NOMO1: variants seen among roughly 807,000 people sequenced by gnomAD.
NOMO1 encodes the protein NODAL modulator 1.
A neutral mutation model predicts 133.8 loss-of-function variants in NOMO1; 40 were observed. The observed-to-expected ratio is 0.30, with a 90% CI of 0.23 to 0.39. The LOEUF (loss-of-function observed/expected upper bound fraction) is 0.39, where lower values mean the gene tolerates loss of function less well. Among genes scored for constraint, NOMO1 ranks in the 10% least tolerant of loss-of-function variants. The pLI is 1.00. For missense variants in NOMO1, 462 were observed against 1,419.9 expected (o/e 0.33, Z 10.84); for synonymous variants, 236 against 570.5 (o/e 0.41, Z 8.36).
Position 14,838,482 on chromosome 16 carries a change from C to G in NOMO1, c.241C>G (p.Pro81Ala). 1 of 1,611,488 alleles carries G rather than the reference C, an allele frequency of 6.2e-7. No individual in the cohort carries two copies. The highest frequency in any genetic ancestry group is 1.1e-5 in the South Asian group (1 of 90,948). ...CAPNNGYFMI[P>A]LYDKGDFILK... Reference sequence around the variant, plus strand: ...CCCTAATAATGGTTACTTTATGATCCCTTTGTATGATAAGGTAAGAGGGGA... The same window carrying G: ...CCCTAATAATGGTTACTTTATGATCGCTTTGTATGATAAGGTAAGAGGGGA... Residue 81 changes from proline (P) to alanine (A), a missense_variant, in exon 2 of 31, where the codon CCT (proline) becomes GCT (alanine). Coordinates refer to ENST00000287667, the MANE Select transcript of NOMO1 (RefSeq NM_014287.4).
chr16:14,884,569 T>C, intron 27 of NOMO1, 87 bp downstream of exon 27: 2 of 1,599,270 alleles, frequency 1.3e-6, no homozygotes, highest in Admixed American at 3.3e-5. Context: ...TTTGTGCCTG[T>C]CTCGTGCCTT....
intron 29 of NOMO1, among the ~76,000 whole-genome samples, chr16:14,892,114 G>T (rs1964413177): frequency 6.6e-6 from 1 of 151,636 alleles, no homozygotes; most frequent in African/African-American, 2.4e-5. Context: ...AGGCGTGGTA[G>T]CACGCACCTG....
chr16:14,890,206 T>C (rs1158628982), intron 29 of NOMO1, among the ~76,000 whole-genome samples: 1 of 126,444 alleles, frequency 7.9e-6, no homozygotes, highest in African/African-American at 3.1e-5. Flanking sequence ...TAAAATTGTT[T>C]AGTGATTCCT....
Position 14,881,409 on chromosome 16 carries a change from C to G in NOMO1, c.2886-135C>G, listed in dbSNP as rs1196277012. 6.9e-6 allele frequency: 11 copies of G among 1,591,848 alleles called. No homozygotes were observed. In the East Asian group the frequency reaches 2.2e-4, roughly 32 times the overall value. ...GTGGTTTGGAAGTGGGCCGGCCACACTGAGTTGCCTGGGTCATTGAGGCAC... is the reference window on the plus strand; with the variant it reads ...GTGGTTTGGAAGTGGGCCGGCCACAGTGAGTTGCCTGGGTCATTGAGGCAC... On this transcript the variant is annotated intron_variant, in intron 24 of 30. Coordinates refer to ENST00000287667, the MANE Select transcript of NOMO1 (RefSeq NM_014287.4).
chr16:14,854,033 C>G lies in NOMO1; in HGVS notation c.963+7C>G. 1 of 1,545,156 alleles carries G rather than the reference C, an allele frequency of 6.5e-7. No homozygotes were observed. On this transcript the variant is annotated splice_region_variant and intron_variant, in intron 9 of 30. Coordinates refer to ENST00000287667, the MANE Select transcript of NOMO1 (RefSeq NM_014287.4). ...TGACAGCTTGAAAATCGAGGTAAGGCTTTTCTGTCTTCTGGAGGGACAGGT... is the reference window on the plus strand; with the variant it reads ...TGACAGCTTGAAAATCGAGGTAAGGGTTTTCTGTCTTCTGGAGGGACAGGT...
At chr16:14,873,959 C>T (rs1179459446) in intron 18 of NOMO1, among the ~76,000 whole-genome samples, 1 of 151,580 alleles carries the variant, frequency 6.6e-6, no homozygotes, top group Non-Finnish European at 1.5e-5. Context: ...CCCAACAAAG[C>T]CTTGGCTTTA....
chr16:14,833,735 C>A lies in NOMO1; in HGVS notation c.-117C>A. 1 of 1,115,990 alleles carries A rather than the reference C, an allele frequency of 9.0e-7. No individual in the cohort carries two copies. The highest frequency in any genetic ancestry group is 2.8e-5 in the South Asian group (1 of 35,370). The allele number at this position is 1,115,990 out of a possible 1,614,324, so 69.1% of individuals were successfully genotyped here. A position where few individuals can be genotyped will look rare whatever the true frequency, so the allele number is the denominator to read the frequency against. On this transcript the variant is annotated 5_prime_UTR_variant, in exon 1 of 31. Transcript: ENST00000287667. ...GCGTGCGCGGCGGCTCTGGCGGCGG[C>A]GGTGGGGCGGGGCCTGGGCTGTCAG... is the stretch of plus-strand genomic sequence containing the variant.
At chr16:14,869,001 T>G (rs71378243) in intron 16 of NOMO1, among the ~76,000 whole-genome samples, 2 of 151,352 alleles carry the variant, frequency 1.3e-5, no homozygotes, top group African/African-American at 4.9e-5. Flanking sequence ...TGTAGTGGCT[T>G]GATCTTGGCT....
In NOMO1 at chr16:14,876,538, A is replaced by T; in HGVS notation, c.2516+20A>T. 1.2e-6 allele frequency: 2 copies of T among 1,611,600 alleles called. No homozygotes were observed. The highest frequency in any genetic ancestry group is 8.5e-7 in the Non-Finnish European group (1 of 1,179,806). ...CTACAGGTGAGCCCGGGATAGAGAC[A>T]CATGTGCCTGGGATCAGCGTGGGAG... On this transcript the variant is annotated intron_variant, in intron 21 of 30. Coordinates refer to ENST00000287667, the MANE Select transcript of NOMO1 (RefSeq NM_014287.4).
chr16:14,851,839 G>A (rs948326254), intron 6 of NOMO1, among the ~76,000 whole-genome samples: 13 of 63,718 alleles, frequency 2.0e-4, no homozygotes, highest in African/African-American at 5.1e-4. Context: ...GGCAAAATAT[G>A]CTCATTAAAA....
intron 1 of NOMO1, among the ~76,000 whole-genome samples, chr16:14,837,224 A>C (rs1180747465): frequency 2.6e-5 from 4 of 151,420 alleles, no homozygotes; most frequent in Non-Finnish European, 5.9e-5. Context: ...TATGTTGTCC[A>C]GGCTGGTCTC....
intron 21 of NOMO1, 51 bp from the exon 22 acceptor site, chr16:14,876,613 C>T: frequency 1.2e-6 from 2 of 1,610,778 alleles, no homozygotes; most frequent in Non-Finnish European, 1.7e-6. Flanking sequence ...GTAAGGCTTC[C>T]TGCAGGGTGT....
chr16:14,856,184 G>C (rs1281772219), intron 9 of NOMO1, among the ~76,000 whole-genome samples: 1 of 151,944 alleles, frequency 6.6e-6, no homozygotes, highest in Non-Finnish European at 1.5e-5. Context: ...GTGGGAGGGA[G>C]ACAACTAAGA....
chr16:14,878,993 T>G (rs1964203401), intron 23 of NOMO1, among the ~76,000 whole-genome samples, 159 bp downstream of exon 23: 2 of 152,124 alleles, frequency 1.3e-5, no homozygotes, highest in South Asian at 2.1e-4. Flanking sequence ...GTATTGCTCT[T>G]ACTCGAACTT....
intron 1 of NOMO1, among the ~76,000 whole-genome samples, chr16:14,836,849 GC>G (rs1355382651): frequency 6.6e-6 from 1 of 151,030 alleles, no homozygotes; most frequent in East Asian, 1.9e-4. Context: ...GGGACTACAG[GC>G]GCCCGCCACC....
At chr16:14,836,886 T>C (rs377650096) in intron 1 of NOMO1, among the ~76,000 whole-genome samples, 19 of 151,268 alleles carry the variant, frequency 1.3e-4, no homozygotes, top group African/African-American at 4.6e-4. Context: ...TTTGTATTTT[T>C]AGTAGAGACG....
At chr16:14,883,801 T>C (rs2151010101) in intron 26 of NOMO1, among the ~76,000 whole-genome samples, 1 of 151,100 alleles carries the variant, frequency 6.6e-6, no homozygotes, top group Admixed American at 6.6e-5. Context: ...GGGCCGGCCC[T>C]CTGGGATCTC....
chr16:14,842,267 G>C (rs1185493905), intron 3 of NOMO1, among the ~76,000 whole-genome samples: 1 of 151,088 alleles, frequency 6.6e-6, no homozygotes, highest in East Asian at 1.9e-4. Context: ...TTGATATCAG[G>C]CTTGCTCGTG....
intron 15 of NOMO1, 49 bp from the exon 16 acceptor site, chr16:14,868,499 G>A: frequency 6.7e-7 from 1 of 1,499,078 alleles, no homozygotes; most frequent in Non-Finnish European, 9.3e-7. Context: ...TAATCATCTT[G>A]GTGTCTCCAT....
Sources: allele counts gnomAD v4.1 joint callset (sites outside exome capture counted in the v4.1 genomes callset), GRCh38; gene constraint gnomAD v4.1.1; transcripts MANE v1.5; gene names NCBI Gene and HGNC (gene_info 2026-07-23, HGNC 2026-07-21).